Variants in PDE12 observed in about 807,000 individuals in gnomAD.
The protein encoded by PDE12 is phosphodiesterase 12.
Under a neutral mutation model 45.4 loss-of-function variants are expected in PDE12, and 26 were observed. That is an observed-to-expected ratio of 0.57 (90% CI 0.42 to 0.79). PDE12 has a LOEUF of 0.79. Among genes scored for constraint, PDE12 ranks in the 30% least tolerant of loss-of-function variants. PDE12 has a pLI of 0.00. For synonymous variants in PDE12, 283 were observed against 323.9 expected (o/e 0.87, Z 1.36); for missense variants, 668 against 790.0 (o/e 0.85, Z 1.85).
In PDE12 at chr3:57,557,447, G is replaced by A. The variant is rs748561375; in HGVS notation, c.1068G>A (p.Val356=). The A allele has an allele frequency of 6.7e-5, 108 of 1,613,930 alleles. No homozygotes were observed. Among genetic ancestry groups the A allele is most frequent in the Non-Finnish European group, 9.2e-5 (108 of 1,180,030 alleles). Residue 356 remains valine, a synonymous_variant, in exon 1 of 3, where the codon GTG becomes GTA. Transcript: ENST00000311180. ...GTTTGCAGGAGGTTGACCGCGCAGTGTTTTCTGACAGCTTGGTACCCGCCC... is the reference window on the plus strand; with the variant it reads ...GTTTGCAGGAGGTTGACCGCGCAGTATTTTCTGACAGCTTGGTACCCGCCC... ...VICLQEVDRA[V]FSDSLVPALE...
At chr3:57,631,973 C>T in the PDE12 span, among the ~76,000 whole-genome samples, 6 of 146,222 alleles carry the variant, frequency 4.1e-5, no homozygotes, top group South Asian at 2.2e-4. Flanking sequence ...CCGCCCGCCT[C>T]GGCCTCCCAA....
the PDE12 span, among the ~76,000 whole-genome samples, chr3:57,591,637 T>G: frequency 6.6e-6 from 1 of 152,046 alleles, no homozygotes; most frequent in Non-Finnish European, 1.5e-5. Context: ...CGGCTAATTT[T>G]TGTATTTTGA....
chr3:57,560,749 TAA>T lies in PDE12; in HGVS notation c.*746_*747del. Reference sequence around the variant, plus strand: ...TCCAAAATGAATCATGCTTATGTACTAAGAGGGAAAATGTATTTAAGTTAAGG... The same window carrying T: ...TCCAAAATGAATCATGCTTATGTACTGAGGGAAAATGTATTTAAGTTAAGG... On this transcript the variant is annotated 3_prime_UTR_variant, in exon 3 of 3. Coordinates refer to ENST00000311180, the MANE Select transcript of PDE12 (RefSeq NM_177966.7). 7 of 985,294 alleles carry T rather than the reference TAA, an allele frequency of 7.1e-6. No individual in the cohort carries two copies. The highest frequency in any genetic ancestry group is 8.4e-6 in the Non-Finnish European group (7 of 829,424). 61.0% of individuals were successfully genotyped at this position (985,294 alleles called of 1,614,324 possible). A position where few individuals can be genotyped will look rare whatever the true frequency, so the allele number is the denominator to read the frequency against.
chr3:57,581,348 A>T, the PDE12 span, among the ~76,000 whole-genome samples: 1 of 152,202 alleles, frequency 6.6e-6, no homozygotes, highest in Admixed American at 6.5e-5. Context: ...TAATTCTCAG[A>T]TGGTCCAAAG....
chr3:57,647,089 T>C, the PDE12 span, among the ~76,000 whole-genome samples: 1 of 152,110 alleles, frequency 6.6e-6, no homozygotes, highest in African/African-American at 2.4e-5. Context: ...GGTAAAAAAT[T>C]TTCCTAGTAG....
At chr3:57,651,026 T>C in the PDE12 span, among the ~76,000 whole-genome samples, 1 of 152,068 alleles carries the variant, frequency 6.6e-6, no homozygotes, top group Non-Finnish European at 1.5e-5. Context: ...TCAGATGATC[T>C]GACCACCTTG....
chr3:57,619,873 T>TA, the PDE12 span, among the ~76,000 whole-genome samples: 2 of 148,982 alleles, frequency 1.3e-5, no homozygotes, highest in Non-Finnish European at 3.0e-5. Flanking sequence ...ATAAATCAAA[T>TA]AAAAAATAAA....
the PDE12 span, among the ~76,000 whole-genome samples, chr3:57,618,607 GTTTTTT>G: frequency 7.6e-5 from 6 of 79,408 alleles, 1 homozygote; most frequent in Admixed American, 1.0e-3. Flanking sequence ...TTGCTTTTGT[GTTTTTT>G]TTTTTTTTTT....
At position 57,562,359 on chromosome 3, in the gene PDE12, A is replaced by G. The variant is rs1183934899; in HGVS notation, c.*2355A>G. 3 of 152,808 alleles carry G rather than the reference A, an allele frequency of 2.0e-5. No homozygotes were observed. Among genetic ancestry groups the G allele is most frequent in the Admixed American group, 1.3e-4 (2 of 15,278 alleles). 9.5% of individuals were successfully genotyped at this position (152,808 alleles called of 1,614,324 possible). A position where few individuals can be genotyped will look rare whatever the true frequency, so the allele number is the denominator to read the frequency against. ...TACAGGCATTTCACATTATTAGGAC[A>G]TGGAATGTTATTGTGAAGTGCCATA... is the stretch of plus-strand genomic sequence containing the variant. On this transcript the variant is annotated 3_prime_UTR_variant, in exon 3 of 3. Transcript: ENST00000311180.
the PDE12 span, among the ~76,000 whole-genome samples, chr3:57,635,700 C>T: frequency 6.6e-6 from 1 of 152,128 alleles, no homozygotes; most frequent in Non-Finnish European, 1.5e-5. Flanking sequence ...TTTTCCTTTG[C>T]AATCTTATAT....
At position 57,561,358 on chromosome 3, in the gene PDE12, A is replaced by G. The variant is rs2069726006; in HGVS notation, c.*1354A>G. 5 of 984,888 alleles carry G rather than the reference A, an allele frequency of 5.1e-6. No individual in the cohort carries two copies. Among genetic ancestry groups the G allele is most frequent in the Non-Finnish European group, 6.0e-6 (5 of 829,188 alleles). 61.0% of individuals were successfully genotyped at this position (984,888 alleles called of 1,614,324 possible). On this transcript the variant is annotated 3_prime_UTR_variant, in exon 3 of 3. Coordinates refer to ENST00000311180, the MANE Select transcript of PDE12 (RefSeq NM_177966.7). ...TAGTGGGACTTTTAAGCATCTCTGA[A>G]ATAAAAAACTTCTTTTTACAGACAA...
Position 57,559,553 on chromosome 3 carries a change from T to C in PDE12, c.1388-9T>C, listed in dbSNP as rs746501630. The C allele has an allele frequency of 1.3e-6, 2 of 1,580,750 alleles. No homozygotes were observed. The highest frequency in any genetic ancestry group is 4.5e-5 in the East Asian group (2 of 44,598). On this transcript the variant is annotated splice_polypyrimidine_tract_variant and intron_variant, in intron 2 of 2. Coordinates refer to ENST00000311180, the MANE Select transcript of PDE12 (RefSeq NM_177966.7). Reference sequence around the variant, plus strand: ...AAAATACTTACATTAATGTTTTTTATATTCATAGGTGGGTATATTCGCCTC... The same window carrying C: ...AAAATACTTACATTAATGTTTTTTACATTCATAGGTGGGTATATTCGCCTC...
At chr3:57,586,718 A>C in the PDE12 span, among the ~76,000 whole-genome samples, 1 of 152,170 alleles carries the variant, frequency 6.6e-6, no homozygotes, top group Non-Finnish European at 1.5e-5. Context: ...AAAATCAGAA[A>C]ACATAATTCT....
At chr3:57,588,722 T>C in the PDE12 span, among the ~76,000 whole-genome samples, 2 of 129,372 alleles carry the variant, frequency 1.5e-5, no homozygotes, top group East Asian at 4.5e-4. Context: ...GTTGGGAGGC[T>C]GAGGCAGGTG....
In PDE12 at chr3:57,560,606, G is replaced by T. The variant is rs1306314838; in HGVS notation, c.*602G>T. The T allele has an allele frequency of 2.0e-6, 2 of 980,282 alleles. No individual in the cohort carries two copies. Among genetic ancestry groups the T allele is most frequent in the South Asian group, 4.7e-5 (1 of 21,190 alleles). 60.7% of individuals were successfully genotyped at this position (980,282 alleles called of 1,614,324 possible). A position where few individuals can be genotyped will look rare whatever the true frequency, so the allele number is the denominator to read the frequency against. The stretch of plus-strand genomic sequence containing the variant: ...CTCCCAAAGTGTTGGGATTACAGGC[G>T]TGAGCCACCGCACCCGGCCCTTGTG... On this transcript the variant is annotated 3_prime_UTR_variant, in exon 3 of 3. Coordinates refer to ENST00000311180, the MANE Select transcript of PDE12 (RefSeq NM_177966.7).
At chr3:57,605,034 A>T in the PDE12 span, among the ~76,000 whole-genome samples, 1 of 152,208 alleles carries the variant, frequency 6.6e-6, no homozygotes, top group South Asian at 2.1e-4. Context: ...CAAACTAGGC[A>T]GCAAATATGA....
chr3:57,609,839 A>G, the PDE12 span, among the ~76,000 whole-genome samples: 1 of 152,178 alleles, frequency 6.6e-6, no homozygotes, highest in East Asian at 1.9e-4. Flanking sequence ...TTCTGAAACT[A>G]TTCCAATCAA....
the PDE12 span, chr3:57,645,550 A>T: frequency 1.4e-6 from 1 of 698,462 alleles, no homozygotes; most frequent in Non-Finnish European, 2.3e-6. Flanking sequence ...AGCTCCTCAA[A>T]CTTTCCTTTT....
chr3:57,624,609 C>CA, the PDE12 span, among the ~76,000 whole-genome samples: 24 of 151,490 alleles, frequency 1.6e-4, no homozygotes, highest in African/African-American at 5.6e-4. Context: ...ACTAAAAATA[C>CA]AAAAATTAGC....
Sources: gnomAD v4.1 joint callset for allele counts (sites outside exome capture counted in the v4.1 genomes callset) on GRCh38, gnomAD v4.1.1 for gene constraint, MANE v1.5 for transcripts, NCBI Gene and HGNC (gene_info 2026-07-23, HGNC 2026-07-21) for gene names.